CACNG6: variants seen among roughly 807,000 people sequenced by gnomAD.
CACNG6 encodes voltage-dependent calcium channel gamma-6 subunit.
A neutral mutation model predicts 23.9 loss-of-function variants in CACNG6; 21 were observed. The ratio of observed to expected loss-of-function variants is 0.88; its 90% confidence interval spans 0.62 to 1.26. The LOEUF (loss-of-function observed/expected upper bound fraction) is 1.26. Among genes scored for constraint, CACNG6 ranks in the 50% most tolerant of loss-of-function variants. The pLI, the probability that CACNG6 is intolerant of heterozygous loss-of-function variation, is 0.00. For missense variants in CACNG6, 340 were observed against 352.9 expected (o/e 0.96, Z 0.29); for synonymous variants, 182 against 168.9 (o/e 1.08, Z -0.60).
intron 3 of CACNG6, among the ~76,000 whole-genome samples, chr19:54,005,540 G>C (rs553287295): frequency 1.3e-5 from 2 of 152,090 alleles, no homozygotes; most frequent in East Asian, 3.9e-4. Flanking sequence ...CAGATCTCAG[G>C]ATTAGGAGTT....
intron 3 of CACNG6, among the ~76,000 whole-genome samples, chr19:54,003,317 C>A (rs939702856): frequency 1.3e-4 from 20 of 152,094 alleles, no homozygotes; most frequent in Admixed American, 3.3e-4. Context: ...TGAGAGGAGG[C>A]TGGAGAAGCC....
rs1303960028 is a variant in CACNG6, at chr19:54,011,245, C to CACACAA, written c.545-705_545-704insCACAAA. Among the ~76,000 whole-genome samples the CACACAA allele has an allele frequency of 1.1e-4, 14 of 132,094 alleles. 1 individual carries two copies. The South Asian group carries it at 1.5e-3, about 14-fold the overall frequency. The allele number at this position is 132,094 out of a possible 152,430, so 86.7% of individuals were successfully genotyped here. ...ATATATATACACACACACACACACA[C>CACACAA]AAAAATTAGCCAGGCGTGGTAGCGC... On this transcript the variant is annotated intron_variant, in intron 3 of 3. Transcript: ENST00000252729.
chr19:53,997,051 G>A (rs1430800303), intron 1 of CACNG6, among the ~76,000 whole-genome samples: 1 of 150,966 alleles, frequency 6.6e-6, no homozygotes, highest in African/African-American at 2.4e-5. Flanking sequence ...TGTATTTTTG[G>A]TACAGACGGG....
chr19:54,012,028 C>T lies in CACNG6; in HGVS notation c.622C>T (p.Pro208Ser), dbSNP rs1303401046. The change falls in exon 4 of 4, where the codon CCC becomes TCC. Residue 208 changes from proline to serine, a missense_variant. Transcript: ENST00000252729. Reference protein sequence around the residue: ...ALLQRVSPEPPPAPRLTYEYS... With the variant: ...ALLQRVSPEPSPAPRLTYEYS... The stretch of plus-strand genomic sequence containing the variant: ...GCTGCAGAGAGTCAGCCCGGAGCCT[C>T]CCCCGGCCCCACGCCTCACCTACGA... 3.1e-6 allele frequency: 5 copies of T among 1,604,778 alleles called. No individual in the cohort carries two copies. The highest frequency in any genetic ancestry group is 3.4e-6 in the Non-Finnish European group (4 of 1,176,152).
Position 53,992,920 on chromosome 19 carries a change from C to CG in CACNG6, c.49dup (p.Ala17GlyfsTer102), listed in dbSNP as rs575512500. The CG allele has an allele frequency of 4.5e-4, 635 of 1,399,640 alleles. 3 individuals are homozygous for CG. In the East Asian group the frequency reaches 0.014, roughly 31 times the overall value. 86.7% of individuals were successfully genotyped at this position (1,399,640 alleles called of 1,614,324 possible). A position where few individuals can be genotyped will look rare whatever the true frequency, so the allele number is the denominator to read the frequency against. On this transcript the variant is annotated frameshift_variant, in exon 1 of 4. Transcript: ENST00000252729. LOFTEE classifies it high-confidence loss of function. This position sits in a 1 kb window ranked among gnomAD's most constrained non-coding sequence, Gnocchi z 4.1. ...CTTCCTGCAAGAGGAGAACCGGCGG[C>CG]GGGGGGCCGCGGGCCGGCGGCGGGC...
chr19:54,007,396 T>G (rs529499107), intron 3 of CACNG6, among the ~76,000 whole-genome samples: 61 of 152,150 alleles, frequency 4.0e-4, no homozygotes, highest in Non-Finnish European at 7.5e-4. Context: ...TGTTCTGAGG[T>G]ACTTGGGGTC....
chr19:53,994,513 TCTC>T (rs1278509865), intron 1 of CACNG6, among the ~76,000 whole-genome samples: 2 of 151,890 alleles, frequency 1.3e-5, no homozygotes, highest in Non-Finnish European at 2.9e-5. Context: ...CTGGATGAAA[TCTC>T]CTTCTACCTC....
At chr19:54,002,262 T>C (rs2069583506) in intron 3 of CACNG6, among the ~76,000 whole-genome samples, 1 of 144,048 alleles carries the variant, frequency 6.9e-6, no homozygotes, top group African/African-American at 2.8e-5. Flanking sequence ...CCCGGCTAAT[T>C]TTCGGTTTTT....
chr19:53,993,335 C>A, intron 1 of CACNG6, 127 bp downstream of exon 1: 2 of 882,398 alleles, frequency 2.3e-6, no homozygotes, highest in South Asian at 1.7e-5. Context: ...GCTTGCCTCG[C>A]AGTAAGCGCC....
At chr19:53,996,755 G>C (rs2069524868) in intron 1 of CACNG6, among the ~76,000 whole-genome samples, 1 of 151,524 alleles carries the variant, frequency 6.6e-6, no homozygotes, top group South Asian at 2.1e-4. Flanking sequence ...TAATGTGTTT[G>C]ATATACACTC....
At chr19:54,004,194 C>T (rs1228615361) in intron 3 of CACNG6, among the ~76,000 whole-genome samples, 1 of 151,504 alleles carries the variant, frequency 6.6e-6, no homozygotes, top group African/African-American at 2.4e-5. Flanking sequence ...GAGTTTCGCT[C>T]TTGTTGCCCA....
chr19:53,999,976 G>A (rs1273663608), intron 3 of CACNG6, among the ~76,000 whole-genome samples: 2 of 152,058 alleles, frequency 1.3e-5, no homozygotes, highest in African/African-American at 4.8e-5. Context: ...ACGCTGGGAG[G>A]TGGGATCTCC....
intron 3 of CACNG6, among the ~76,000 whole-genome samples, chr19:54,010,352 G>C (rs1180665733): frequency 6.6e-6 from 1 of 152,038 alleles, no homozygotes; most frequent in African/African-American, 2.4e-5. Context: ...ATTTCACCTT[G>C]TTGGCCAGGC....
intron 3 of CACNG6, among the ~76,000 whole-genome samples, chr19:54,011,357 G>A (rs1278891578): frequency 1.0e-4 from 15 of 145,658 alleles, no homozygotes; most frequent in African/African-American, 3.3e-4. Context: ...AGAAGAATCA[G>A]GAGGCGGAGT....
At chr19:54,004,793 C>T (rs943514406) in intron 3 of CACNG6, among the ~76,000 whole-genome samples, 9 of 152,130 alleles carry the variant, frequency 5.9e-5, no homozygotes, top group Non-Finnish European at 1.0e-4. Context: ...TCACGTGTCT[C>T]GTTTCCTCGC....
chr19:54,004,999 C>G (rs1161737154), intron 3 of CACNG6, among the ~76,000 whole-genome samples: 5 of 150,878 alleles, frequency 3.3e-5, no homozygotes, highest in Non-Finnish European at 5.9e-5. Context: ...CTCACAAGAT[C>G]AGGAGTTGGA....
At chr19:54,004,619 C>T (rs2069619020) in intron 3 of CACNG6, among the ~76,000 whole-genome samples, 1 of 152,098 alleles carries the variant, frequency 6.6e-6, no homozygotes, top group Non-Finnish European at 1.5e-5. Flanking sequence ...CAAGGCCTCG[C>T]GCGGGCTGAC....
chr19:53,996,194 A>T (rs2069519334), intron 1 of CACNG6, among the ~76,000 whole-genome samples: 1 of 152,078 alleles, frequency 6.6e-6, no homozygotes, highest in Non-Finnish European at 1.5e-5. Flanking sequence ...TACTCCTGTT[A>T]TTCTCGACCT....
intron 3 of CACNG6, among the ~76,000 whole-genome samples, chr19:54,007,483 T>C (rs1358331269): frequency 6.6e-6 from 1 of 152,220 alleles, no homozygotes; most frequent in Non-Finnish European, 1.5e-5. Context: ...TAATTGTCCA[T>C]CTCTCCTTCT....
Sources: allele counts gnomAD v4.1 joint callset (sites outside exome capture counted in the v4.1 genomes callset), GRCh38; gene constraint gnomAD v4.1.1; non-coding constraint Gnocchi (gnomAD v3.1); transcripts MANE v1.5; gene names NCBI Gene and HGNC (gene_info 2026-07-23, HGNC 2026-07-21).